The following CSMD1 variants were observed in gnomAD, a reference collection of about 807,000 sequenced individuals.
The protein encoded by CSMD1 is CUB and sushi domain-containing protein 1.
Under a neutral mutation model 417.5 loss-of-function variants are expected in CSMD1, and 213 were observed. The observed-to-expected ratio is 0.51, with a 90% CI of 0.46 to 0.57. The LOEUF (loss-of-function observed/expected upper bound fraction) is 0.57, where lower values mean the gene tolerates loss of function less well. CSMD1 is among the 20% of genes least tolerant of loss of function. The pLI, the probability that CSMD1 is intolerant of heterozygous loss-of-function variation, is 0.00. For missense variants in CSMD1, 6,923 were observed against 4,529.7 expected, an observed-to-expected ratio of 1.53 and a Z score of -15.17; for synonymous variants, 2,862 against 1,736.8, an observed-to-expected ratio of 1.65 and a Z score of -16.11.
intron 1 of CSMD1, among the ~76,000 whole-genome samples, chr8:4,803,380 G>A (rs558590080): frequency 2.0e-5 from 3 of 152,142 alleles, no homozygotes; most frequent in Non-Finnish European, 4.4e-5. Context: ...TACCAGTGAT[G>A]TACTCAACAT....
At chr8:3,638,706 G>C (rs190843294) in intron 7 of CSMD1, among the ~76,000 whole-genome samples, 165 of 152,224 alleles carry the variant, frequency 1.1e-3, no homozygotes, top group African/African-American at 3.7e-3. Context: ...ATGGGCAAAA[G>C]GCTTGTGGTC....
chr8:4,258,727 C>T (rs1026766443), intron 3 of CSMD1, among the ~76,000 whole-genome samples: 17 of 151,996 alleles, frequency 1.1e-4, no homozygotes, highest in Admixed American at 6.6e-4. Flanking sequence ...GGGTGGAACA[C>T]AGCAATGTAT....
intron 5 of CSMD1, among the ~76,000 whole-genome samples, chr8:3,967,834 G>A (rs928415193): frequency 2.0e-5 from 3 of 151,912 alleles, no homozygotes; most frequent in East Asian, 1.9e-4. Context: ...GATAAGGAAA[G>A]TAACTTATGA....
chr8:4,176,942 G>A (rs929399530), intron 3 of CSMD1, among the ~76,000 whole-genome samples: 48 of 150,350 alleles, frequency 3.2e-4, no homozygotes, highest in African/African-American at 9.8e-4. Flanking sequence ...AGTCCTCAGT[G>A]ACCTACAAAG....
At chr8:3,922,352 A>C (rs1809337225) in intron 5 of CSMD1, among the ~76,000 whole-genome samples, 1 of 152,132 alleles carries the variant, frequency 6.6e-6, no homozygotes, top group Admixed American at 6.5e-5. Context: ...TGGATTAAAA[A>C]AAAATTAAGT....
chr8:3,393,976 C>T (rs1345167078), intron 17 of CSMD1, among the ~76,000 whole-genome samples: 9 of 77,306 alleles, frequency 1.2e-4, no homozygotes, highest in African/African-American at 4.3e-4. Context: ...TACCCTAGAA[C>T]TTAACGTATA....
intron 25 of CSMD1, among the ~76,000 whole-genome samples, chr8:3,294,567 G>C (rs890512289): frequency 6.9e-5 from 3 of 43,340 alleles, no homozygotes; most frequent in African/African-American, 1.2e-4. Context: ...AGTTTGATCT[G>C]ACTGCTGTGC....
chr8:4,674,300 G>A (rs1254797107), intron 1 of CSMD1, among the ~76,000 whole-genome samples: 1 of 152,138 alleles, frequency 6.6e-6, no homozygotes, highest in Admixed American at 6.5e-5. Context: ...CACAGGGATG[G>A]ACCTGGATTG....
chr8:3,573,885 T>A (rs1800041462), intron 10 of CSMD1, among the ~76,000 whole-genome samples: 1 of 151,994 alleles, frequency 6.6e-6, no homozygotes, highest in Admixed American at 6.6e-5. Context: ...TCCTCACAGT[T>A]TTTTTTAAGT....
At chr8:4,796,984 G>A (rs1446418040) in intron 1 of CSMD1, among the ~76,000 whole-genome samples, 1 of 152,166 alleles carries the variant, frequency 6.6e-6, no homozygotes, top group Non-Finnish European at 1.5e-5. Context: ...CCTTTGTAAT[G>A]CCACCCAAAG....
chr8:4,487,321 T>G (rs190173850), intron 2 of CSMD1, among the ~76,000 whole-genome samples: 2 of 152,174 alleles, frequency 1.3e-5, no homozygotes, highest in African/African-American at 4.8e-5. Context: ...ATCCCTCCCC[T>G]CTCCCCACAA....
rs150318336 is a variant in CSMD1 at position 4,109,584 on chromosome 8, G to A, written c.416-77485C>T. Among the ~76,000 whole-genome samples the A allele has an allele frequency of 5.9e-5, 9 of 152,248 alleles. No homozygotes were observed. The South Asian group carries it at 6.2e-4, about 11-fold the overall frequency. The stretch of plus-strand genomic sequence containing the variant: ...TTTCCCAGTCAATGTCTGGAACTAC[G>A]CAGGAGCATTTGCCTTTGGATATTG... On this transcript the variant is annotated intron_variant, in intron 3 of 69. Transcript: ENST00000635120.
intron 2 of CSMD1, among the ~76,000 whole-genome samples, chr8:4,574,385 C>T (rs911417924): frequency 1.3e-5 from 2 of 152,100 alleles, no homozygotes; most frequent in Non-Finnish European, 2.9e-5. Flanking sequence ...AGGGGGTTAC[C>T]CAGCCCCTTG....
intron 5 of CSMD1, among the ~76,000 whole-genome samples, chr8:3,896,450 G>T (rs969027439): frequency 1.3e-5 from 2 of 152,072 alleles, no homozygotes; most frequent in African/African-American, 4.8e-5. Context: ...TTGAACACTT[G>T]GGAGAGAAAG....
intron 3 of CSMD1, among the ~76,000 whole-genome samples, chr8:4,035,999 T>C (rs1371256041): frequency 1.3e-5 from 2 of 152,134 alleles, no homozygotes; most frequent in African/African-American, 4.8e-5. Flanking sequence ...TTTAATGCTG[T>C]TTTATTACTG....
intron 3 of CSMD1, among the ~76,000 whole-genome samples, chr8:4,181,771 T>C (rs1265111814): frequency 2.0e-5 from 3 of 152,158 alleles, no homozygotes; most frequent in African/African-American, 4.8e-5. Flanking sequence ...CATTGAAATA[T>C]TACGTATTAA....
chr8:3,326,312 ATCT>A (rs1421362608), intron 23 of CSMD1, among the ~76,000 whole-genome samples: 13 of 152,232 alleles, frequency 8.5e-5, no homozygotes, highest in African/African-American at 3.1e-4. Context: ...ATTAAGCATC[ATCT>A]TGTGTCACTG....
intron 3 of CSMD1, among the ~76,000 whole-genome samples, chr8:4,082,138 A>T (rs947615133): frequency 1.3e-5 from 2 of 152,168 alleles, no homozygotes; most frequent in South Asian, 2.1e-4. Flanking sequence ...GGAATAAAAG[A>T]TGCAAAATCT....
intron 6 of CSMD1, among the ~76,000 whole-genome samples, chr8:3,742,777 CCAA>C (rs1027153182): frequency 5.9e-5 from 9 of 152,034 alleles, no homozygotes; most frequent in Non-Finnish European, 1.3e-4. Context: ...AACAAAAACA[CCAA>C]CAACAGCAAC....
Sources: gnomAD v4.1 joint callset for allele counts (sites outside exome capture counted in the v4.1 genomes callset) on GRCh38, gnomAD v4.1.1 for gene constraint, MANE v1.5 for transcripts, NCBI Gene and HGNC (gene_info 2026-07-23, HGNC 2026-07-21) for gene names.